The following PTCHD4 variants were observed in gnomAD, a reference collection of about 807,000 sequenced individuals.
PTCHD4 encodes patched domain containing 4, also known as patched domain-containing protein 4.
A neutral mutation model predicts 58.1 loss-of-function variants in PTCHD4; 33 were observed. The observed-to-expected ratio is 0.57, with a 90% CI of 0.43 to 0.76. The LOEUF is 0.76. Ranked by LOEUF, PTCHD4 falls within the 30% of genes least tolerant of loss-of-function variation. The pLI is 0.00. For missense variants in PTCHD4, 1,058 were observed against 1,027.1 expected, an observed-to-expected ratio of 1.03 and a Z score of -0.41; for synonymous variants, 478 against 409.6, an observed-to-expected ratio of 1.17 and a Z score of -2.02.
chr6:47,898,914 C>T (rs1034550507), intron 4 of PTCHD4, among the ~76,000 whole-genome samples: 1 of 152,130 alleles, frequency 6.6e-6, no homozygotes, highest in African/African-American at 2.4e-5. Context: ...TGTCAGATTC[C>T]CTCTGTTTCT....
At chr6:48,003,559 C>A (rs80026306) in intron 4 of PTCHD4, among the ~76,000 whole-genome samples, 2 of 152,190 alleles carry the variant, frequency 1.3e-5, no homozygotes, top group Admixed American at 1.3e-4. Flanking sequence ...TTATATCCCA[C>A]GCAAAATTTG....
chr6:47,992,826 A>G (rs1768331181), intron 4 of PTCHD4, among the ~76,000 whole-genome samples: 1 of 152,192 alleles, frequency 6.6e-6, no homozygotes, highest in South Asian at 2.1e-4. Context: ...GACACGCCCA[A>G]TTACTACCCA....
intron 3 of PTCHD4, among the ~76,000 whole-genome samples, chr6:48,025,243 A>G (rs1306991395): frequency 1.3e-5 from 2 of 152,180 alleles, no homozygotes; most frequent in Non-Finnish European, 2.9e-5. Flanking sequence ...AGATATCTTA[A>G]TTGAAATGAC....
intron 4 of PTCHD4, among the ~76,000 whole-genome samples, chr6:47,996,924 T>G (rs1479014226): frequency 6.6e-6 from 1 of 152,226 alleles, no homozygotes; most frequent in Non-Finnish European, 1.5e-5. Flanking sequence ...TTATCTTTGC[T>G]GTGAGCTAGT....
intron 4 of PTCHD4, among the ~76,000 whole-genome samples, chr6:47,915,548 G>C (rs1157236156): frequency 1.4e-5 from 2 of 148,060 alleles, no homozygotes; most frequent in African/African-American, 5.0e-5. Flanking sequence ...TGGTAGAAAA[G>C]ACTCATAGAA....
At chr6:48,098,677 T>C (rs145213943) in intron 1 of PTCHD4, among the ~76,000 whole-genome samples, 1 of 152,286 alleles carries the variant, frequency 6.6e-6, no homozygotes, top group East Asian at 1.9e-4. Flanking sequence ...TTTCTTGCCA[T>C]GATTATGCTT....
chr6:47,966,722 A>G (rs1011847678), intron 4 of PTCHD4, among the ~76,000 whole-genome samples: 1 of 152,206 alleles, frequency 6.6e-6, no homozygotes, highest in African/African-American at 2.4e-5. Context: ...AGTAGATTCC[A>G]TATCAAGAAA....
intron 4 of PTCHD4, among the ~76,000 whole-genome samples, chr6:47,993,640 G>A (rs546787015): frequency 6.6e-6 from 1 of 152,280 alleles, no homozygotes; most frequent in African/African-American, 2.4e-5. Flanking sequence ...GCCAGCAGCT[G>A]GGTTGGTAGA....
intron 3 of PTCHD4, among the ~76,000 whole-genome samples, chr6:48,054,575 A>G (rs1349378610): frequency 6.6e-6 from 1 of 152,140 alleles, no homozygotes; most frequent in Non-Finnish European, 1.5e-5. Flanking sequence ...TCTGTTAAGG[A>G]TTGTAAAATT....
rs1764936937 is a variant in PTCHD4, at chr6:48,069,685, T to C, written c.-728A>G. Among the ~76,000 whole-genome samples the C allele has an allele frequency of 6.6e-6, 1 of 152,042 alleles. No homozygotes were observed. Among genetic ancestry groups the C allele is most frequent in the African/African-American group, 2.4e-5 (1 of 41,370 alleles). ...CTGTGTGCGTGTGCGTGTGCGTGTG[T>C]GTGTATTGAAAGTGAAGATCTACAG... On this transcript the variant is annotated 5_prime_UTR_variant, in exon 2 of 5. Transcript: ENST00000339488.
intron 3 of PTCHD4, among the ~76,000 whole-genome samples, chr6:48,037,714 T>TAAAAA (rs1402731829): frequency 6.6e-6 from 1 of 151,922 alleles, no homozygotes; most frequent in Non-Finnish European, 1.5e-5. Context: ...CAGAAGTAAT[T>TAAAAA]CCATCGAGGG....
intron 4 of PTCHD4, among the ~76,000 whole-genome samples, chr6:47,948,771 A>G (rs1050123938): frequency 1.3e-5 from 2 of 152,120 alleles, no homozygotes; most frequent in African/African-American, 4.8e-5. Context: ...ACACCTTTCA[A>G]TGGCTTCACT....
rs1199286095 is a variant in PTCHD4 at position 47,878,761 on chromosome 6, T to C, written c.2074A>G (p.Ile692Val). 3 of 1,613,564 alleles carry C rather than the reference T, an allele frequency of 1.9e-6. No individual in the cohort carries two copies. The highest frequency in any genetic ancestry group is 1.1e-5 in the South Asian group (1 of 91,070). Reference protein sequence around the residue: ...NFWLILSVTSIELGVLGLMTL... With the variant: ...NFWLILSVTSVELGVLGLMTL... ...ATTAAGCCCAGAACGCCCAGCTCAA[T>C]TGAGGTGACGCTAAGAATTAGCCAG... Residue 692 changes from isoleucine to valine, a missense_variant, in exon 5 of 5, where the codon ATT becomes GTT. Coordinates refer to ENST00000339488, the MANE Select transcript of PTCHD4 (RefSeq NM_001384253.1).
intron 4 of PTCHD4, chr6:47,900,112 GATAA>G (rs1764649892): frequency 1.3e-5 from 2 of 152,102 alleles, no homozygotes. Flanking sequence ...GTTTTGTGTG[GATAA>G]ATATTTTCAT....
intron 1 of PTCHD4, among the ~76,000 whole-genome samples, chr6:48,079,417 T>C (rs778790937): frequency 2.2e-4 from 34 of 152,128 alleles, no homozygotes; most frequent in Non-Finnish European, 4.4e-4. Flanking sequence ...GGAAACCAAC[T>C]GGGATGTTGC....
intron 3 of PTCHD4, among the ~76,000 whole-genome samples, chr6:48,047,552 C>T (rs1351504413): frequency 6.6e-6 from 1 of 151,756 alleles, no homozygotes; most frequent in African/African-American, 2.4e-5. Flanking sequence ...ATCAATGCAA[C>T]TTGGTTTAAC....
At chr6:47,999,817 A>G (rs1045923174) in intron 4 of PTCHD4, among the ~76,000 whole-genome samples, 11 of 152,218 alleles carry the variant, frequency 7.2e-5, no homozygotes, top group African/African-American at 2.4e-4. Flanking sequence ...TAAAACAATT[A>G]TCTGACCCAG....
chr6:47,910,617 T>C (rs777624384), intron 4 of PTCHD4, among the ~76,000 whole-genome samples: 36 of 152,262 alleles, frequency 2.4e-4, no homozygotes, highest in Middle Eastern at 3.4e-3. Flanking sequence ...TGTAAGCTAC[T>C]GACTCCTTGT....
At chr6:47,886,099 C>T (rs1016235142) in intron 4 of PTCHD4, among the ~76,000 whole-genome samples, 53 of 147,536 alleles carry the variant, frequency 3.6e-4, no homozygotes, top group African/African-American at 1.1e-3. Flanking sequence ...ATTATAGGCG[C>T]GAGCCACGGC....
Sources: allele counts gnomAD v4.1 joint callset (sites outside exome capture counted in the v4.1 genomes callset), GRCh38; gene constraint gnomAD v4.1.1; transcripts MANE v1.5; gene names NCBI Gene and HGNC (gene_info 2026-07-23, HGNC 2026-07-21).